CDH7: variants seen among roughly 807,000 people sequenced by gnomAD.
CDH7 encodes the protein cadherin 7.
CDH7 carries 25 observed loss-of-function variants against 71.8 expected under a neutral mutation model. The observed-to-expected ratio is 0.35, with a 90% confidence interval of 0.25 to 0.49. The LOEUF (loss-of-function observed/expected upper bound fraction) is 0.49, where lower values mean the gene tolerates loss of function less well. Ranked by LOEUF, CDH7 falls within the 20% of genes least tolerant of loss-of-function variation. The pLI, the probability that CDH7 is intolerant of heterozygous loss-of-function variation, is 0.99. For synonymous variants in CDH7, 381 were observed against 363.8 expected (o/e 1.05, Z -0.54); for missense variants, 862 against 974.6 (o/e 0.88, Z 1.54).
intron 1 of CDH7, among the ~76,000 whole-genome samples, chr18:65,754,001 G>A (rs1196989876): frequency 6.6e-6 from 1 of 151,998 alleles, no homozygotes; most frequent in Non-Finnish European, 1.5e-5. Context: ...AAATACAAGG[G>A]CAAATTAAAA....
intron 2 of CDH7, among the ~76,000 whole-genome samples, chr18:65,796,610 A>C (rs1910925889): frequency 6.6e-6 from 1 of 152,134 alleles, no homozygotes; most frequent in South Asian, 2.1e-4. Flanking sequence ...CCCTTGGTTC[A>C]ACCTGTTTTG....
chr18:65,795,602 T>C (rs569418068), intron 2 of CDH7, among the ~76,000 whole-genome samples: 1 of 152,290 alleles, frequency 6.6e-6, no homozygotes, highest in African/African-American at 2.4e-5. Context: ...ACTCTTAGTG[T>C]GTATATTTGT....
In CDH7 at chr18:65,823,109, C is replaced by T. The variant is rs192343899; in HGVS notation, c.793+861C>T. On this transcript the variant is annotated intron_variant, in intron 5 of 11. Transcript: ENST00000397968. ...TTTAGAAGTGAATCATATCAAAAAA[C>T]GAACCTTTCTGAGCAAATACAAGTG... Among the ~76,000 whole-genome samples the T allele has an allele frequency of 1.4e-4, 22 of 151,960 alleles. No homozygotes were observed. In the East Asian group the frequency reaches 1.9e-3, roughly 13 times the overall value.
chr18:65,768,687 A>T (rs1050701391), intron 2 of CDH7, among the ~76,000 whole-genome samples: 1 of 152,158 alleles, frequency 6.6e-6, no homozygotes, highest in Non-Finnish European at 1.5e-5. Context: ...ACTCACCAGG[A>T]TAAACGACAG....
rs1199847217 is a variant in CDH7 at position 65,776,365 on chromosome 18, C to T, written c.210+13313C>T. ...ACACATTTGAAGAAAGTACAGAACA[C>T]ACACACACACACACACACACACACA... On this transcript the variant is annotated intron_variant, in intron 2 of 11. Coordinates refer to ENST00000397968, the MANE Select transcript of CDH7 (RefSeq NM_004361.5). 1.0e-4 allele frequency among the ~76,000 whole-genome samples: 6 copies of T among 58,754 alleles called. No individual in the cohort carries two copies. In the East Asian group the frequency reaches 2.6e-3, roughly 25 times the overall value. 38.5% of individuals were successfully genotyped at this position (58,754 alleles called of 152,430 possible).
intron 6 of CDH7, among the ~76,000 whole-genome samples, chr18:65,842,060 A>G (rs1333261027): frequency 1.3e-5 from 2 of 152,288 alleles, no homozygotes; most frequent in Non-Finnish European, 2.9e-5. Flanking sequence ...CAAGAAAAAC[A>G]ATATACTTGA....
intron 7 of CDH7, among the ~76,000 whole-genome samples, chr18:65,847,923 C>T (rs910271370): frequency 3.3e-5 from 5 of 151,058 alleles, no homozygotes; most frequent in Admixed American, 2.6e-4. Context: ...CAGTCAAAGC[C>T]AAGGGTAGAA....
chr18:65,799,855 C>T (rs1911056907), intron 2 of CDH7, among the ~76,000 whole-genome samples: 1 of 152,090 alleles, frequency 6.6e-6, no homozygotes, highest in Admixed American at 6.6e-5. Flanking sequence ...CCCTCTCTCT[C>T]TCATGAATGA....
intron 11 of CDH7, among the ~76,000 whole-genome samples, chr18:65,873,672 T>A (rs906431416): frequency 1.3e-5 from 2 of 152,200 alleles, no homozygotes; most frequent in Non-Finnish European, 2.9e-5. Flanking sequence ...GTGGCAACTA[T>A]GGTAGACAAC....
rs571624013 is a variant in CDH7 at position 65,765,301 on chromosome 18, A to T, written c.210+2249A>T. 1.5e-3 allele frequency among the ~76,000 whole-genome samples: 224 copies of T among 152,186 alleles called. 1 individual carries two copies. The highest frequency in any genetic ancestry group is 5.1e-3 in the African/African-American group (211 of 41,566). The stretch of plus-strand genomic sequence containing the variant: ...AATTTTCATATATCCTTGGAAAAAA[A>T]TGGCAGAGAACTTGATTACTATAGA... On this transcript the variant is annotated intron_variant, in intron 2 of 11. Transcript: ENST00000397968.
In CDH7 at chr18:65,880,430, A is replaced by G; in HGVS notation, c.1894A>G (p.Arg632Gly). 6.4e-7 allele frequency: 1 copy of G among 1,554,898 alleles called. No homozygotes were observed. The highest frequency in any genetic ancestry group is 8.6e-7 in the Non-Finnish European group (1 of 1,157,882). Residue 632 changes from arginine to glycine, a missense_variant, in exon 12 of 12, where the codon AGA becomes GGA. Arg to Gly is a moderately radical substitution (Grantham distance 125). Coordinates refer to ENST00000397968, the MANE Select transcript of CDH7 (RefSeq NM_004361.5). ...GATCCTCCTTATCGTCACTATGAGA[A>G]GACGGAAAAAAGAGCCCCTTATTTT... ...VLILLIVTMR[R>G]RKKEPLIFDE...
rs567199013 is a variant in CDH7, at chr18:65,751,902, T to C, written c.-197+752T>C. Among the ~76,000 whole-genome samples, 324 of 152,302 alleles carry C rather than the reference T, an allele frequency of 2.1e-3. 2 individuals carry two copies. Among genetic ancestry groups the C allele is most frequent in the African/African-American group, 7.4e-3 (308 of 41,560 alleles). ...GAAAAGACCCGTTATTCTGTACCGC[T>C]TCACGTTTTAGATCGTTAACCCTAC... On this transcript the variant is annotated intron_variant, in intron 1 of 11. Coordinates refer to ENST00000397968, the MANE Select transcript of CDH7 (RefSeq NM_004361.5).
intron 1 of CDH7, among the ~76,000 whole-genome samples, chr18:65,759,765 G>A (rs560105310): frequency 5.1e-4 from 78 of 152,284 alleles, no homozygotes; most frequent in African/African-American, 1.8e-3. Context: ...GGAGCTTGTA[G>A]GACAATGAGT....
chr18:65,806,508 A>G (rs1415170591), intron 2 of CDH7, among the ~76,000 whole-genome samples: 1 of 152,110 alleles, frequency 6.6e-6, no homozygotes, highest in East Asian at 1.9e-4. Context: ...GAGCACAAAT[A>G]CTTGTCTTTG....
chr18:65,857,686 T>C, intron 7 of CDH7, 130 bp from the exon 8 acceptor site: 1 of 836,722 alleles, frequency 1.2e-6, no homozygotes, highest in South Asian at 1.7e-5. Flanking sequence ...CATGCATTTA[T>C]GTGATTAATA....
In CDH7 at chr18:65,809,757, C is replaced by T. The variant is rs61741837; in HGVS notation, c.264C>T (p.Gly88=). ...GTTCCATCAAATACATCTTGTCAGGCGAAGGGGCAAGTTCCATTTTCATTA... is the reference window on the plus strand; with the variant it reads ...GTTCCATCAAATACATCTTGTCAGGTGAAGGGGCAAGTTCCATTTTCATTA... ...GDGSIKYILS[G]EGASSIFIID... Residue 88 remains glycine (G), a synonymous_variant, in exon 3 of 12, where the codon GGC becomes GGT. Coordinates refer to ENST00000397968, the MANE Select transcript of CDH7 (RefSeq NM_004361.5). The T allele has an allele frequency of 3.4e-3, 5,436 of 1,613,854 alleles. 150 individuals carry two copies. In the African/African-American group the frequency reaches 0.062, roughly 18 times the overall value.
Position 65,837,412 on chromosome 18 carries a change from T to TTTTTTTA in CDH7, c.982-6400_982-6399insTTTTTTA, listed in dbSNP as rs2143973473. ...TAGGAAAGTAAATGTTCTTGTATCATCATGACAGGGGATAGTTTTACAACC... is the reference window on the plus strand; with the variant it reads ...TAGGAAAGTAAATGTTCTTGTATCATTTTTTTACATGACAGGGGATAGTTTTACAACC... On this transcript the variant is annotated intron_variant, in intron 6 of 11. Transcript: ENST00000397968. Among the ~76,000 whole-genome samples the TTTTTTTA allele has an allele frequency of 3.9e-5, 6 of 152,248 alleles. No individual in the cohort carries two copies. The South Asian group carries it at 1.2e-3, about 32-fold the overall frequency.
At chr18:65,852,157 G>GAA (rs113915478) in intron 7 of CDH7, among the ~76,000 whole-genome samples, 4 of 151,376 alleles carry the variant, frequency 2.6e-5, no homozygotes, top group African/African-American at 9.7e-5. Context: ...GCAGAGGGGT[G>GAA]AAAAAAAACA....
Position 65,853,906 on chromosome 18 carries a change from C to CATATATAT in CDH7, c.1236-3867_1236-3860dup, listed in dbSNP as rs4047846. Among the ~76,000 whole-genome samples the CATATATAT allele has an allele frequency of 1.1e-3, 38 of 34,192 alleles. 2 individuals carry two copies. Among genetic ancestry groups the CATATATAT allele is most frequent in the Non-Finnish European group, 1.7e-3 (30 of 17,792 alleles). 22.4% of individuals were successfully genotyped at this position (34,192 alleles called of 152,430 possible). A position where few individuals can be genotyped will look rare whatever the true frequency, so the allele number is the denominator to read the frequency against. On this transcript the variant is annotated intron_variant, in intron 7 of 11. Coordinates refer to ENST00000397968, the MANE Select transcript of CDH7 (RefSeq NM_004361.5). Reference sequence around the variant, plus strand: ...AGGAAATGATAACATCATAAATTACCATATATATATATATATATATATATA... The same window carrying CATATATAT: ...AGGAAATGATAACATCATAAATTACCATATATATATATATATATATATATATATATATA...
Sources: allele counts gnomAD v4.1 joint callset (sites outside exome capture counted in the v4.1 genomes callset), GRCh38; gene constraint gnomAD v4.1.1; transcripts MANE v1.5; gene names NCBI Gene and HGNC (gene_info 2026-07-23, HGNC 2026-07-21).